The following DZIP3 variants were observed in gnomAD, a reference collection of about 807,000 sequenced individuals.
DZIP3 encodes the protein E3 ubiquitin-protein ligase DZIP3.
A neutral mutation model predicts 162.0 loss-of-function variants in DZIP3; 118 were observed. That is an observed-to-expected ratio of 0.73 (90% CI 0.63 to 0.85). DZIP3 has a LOEUF of 0.85. Among genes scored for constraint, DZIP3 ranks in the 40% least tolerant of loss-of-function variants. DZIP3 has a pLI of 0.00. For missense variants in DZIP3, 1,331 were observed against 1,407.0 expected (o/e 0.95, Z 0.86); for synonymous variants, 438 against 458.6 (o/e 0.96, Z 0.57).
At chr3:108,622,233 GGGTA>G (rs1250351353) in intron 5 of DZIP3, among the ~76,000 whole-genome samples, 1 of 152,162 alleles carries the variant, frequency 6.6e-6, no homozygotes, top group African/African-American at 2.4e-5. Flanking sequence ...AGGCTGGGAA[GGGTA>G]GGTGGGGGTT....
At chr3:108,679,294 A>G (rs763856632) in intron 26 of DZIP3, among the ~76,000 whole-genome samples, 1 of 152,076 alleles carries the variant, frequency 6.6e-6, no homozygotes, top group Non-Finnish European at 1.5e-5. Context: ...TACAAGTGAT[A>G]TTCTTTAGCT....
At chr3:108,639,288 C>T (rs1942287198) in intron 12 of DZIP3, among the ~76,000 whole-genome samples, 2 of 152,202 alleles carry the variant, frequency 1.3e-5, no homozygotes, top group Non-Finnish European at 1.5e-5. Flanking sequence ...ATATCTGGCA[C>T]ATAGCTAGGC....
intron 25 of DZIP3, among the ~76,000 whole-genome samples, chr3:108,676,275 T>C (rs1399682192): frequency 1.3e-5 from 2 of 152,096 alleles, no homozygotes; most frequent in Non-Finnish European, 2.9e-5. Context: ...ATCATGCCAC[T>C]GTACTACAGC....
chr3:108,660,298 C>T (rs993552505), intron 19 of DZIP3, among the ~76,000 whole-genome samples: 2 of 152,120 alleles, frequency 1.3e-5, no homozygotes, highest in African/African-American at 4.8e-5. Flanking sequence ...GAGATATAGA[C>T]CAATGGAACA....
At chr3:108,617,272 C>CA (rs1382390308) in intron 5 of DZIP3, among the ~76,000 whole-genome samples, 2 of 151,924 alleles carry the variant, frequency 1.3e-5, no homozygotes, top group Non-Finnish European at 2.9e-5. Context: ...ATTTTCACCA[C>CA]AAAAATGATA....
At chr3:108,655,654 G>C (rs1419287287) in intron 19 of DZIP3, among the ~76,000 whole-genome samples, 1 of 152,114 alleles carries the variant, frequency 6.6e-6, no homozygotes, top group Admixed American at 6.5e-5. Flanking sequence ...GTGGGTTCAG[G>C]ACAGTGGGTG....
intron 13 of DZIP3, 95 bp from the exon 14 acceptor site, chr3:108,644,069 T>A (rs1942513625): frequency 7.0e-7 from 1 of 1,426,610 alleles, no homozygotes; most frequent in African/African-American, 1.4e-5. Context: ...TTGGAATAGT[T>A]TTTATCCTAC....
At chr3:108,622,018 T>C (rs1186145218) in intron 5 of DZIP3, among the ~76,000 whole-genome samples, 1 of 151,142 alleles carries the variant, frequency 6.6e-6, no homozygotes, top group Non-Finnish European at 1.5e-5. Flanking sequence ...GGTAATAGTG[T>C]GAGACCCCAT....
intron 26 of DZIP3, among the ~76,000 whole-genome samples, chr3:108,679,931 T>G (rs1414122278): frequency 6.6e-6 from 1 of 152,100 alleles, no homozygotes; most frequent in African/African-American, 2.4e-5. Context: ...GTAGCTTGGC[T>G]ATTTAATCCT....
chr3:108,677,450 T>A (rs1164399410), intron 25 of DZIP3, 47 bp from the exon 26 acceptor site: 2 of 1,521,136 alleles, frequency 1.3e-6, no homozygotes, highest in Non-Finnish European at 1.8e-6. Flanking sequence ...ATGCTGTCTC[T>A]TTAAAGTTGG....
In DZIP3 at chr3:108,616,410, T is replaced by TC. The variant is rs1941016672; in HGVS notation, c.259-131_259-130insC. On this transcript the variant is annotated intron_variant, in intron 4 of 32. Coordinates refer to ENST00000361582, the MANE Select transcript of DZIP3 (RefSeq NM_014648.4). ...CAGTGTATCTGGTTGGTATGGATTT[T>TC]TTTTTTTTAAACCGTCTTTATCTCT... 5.4e-6 allele frequency: 3 copies of TC among 559,694 alleles called. No individual in the cohort carries two copies. The Admixed American group carries it at 1.0e-4, about 19-fold the overall frequency. The allele number at this position is 559,694 out of a possible 1,614,324, so 34.7% of individuals were successfully genotyped here. A position where few individuals can be genotyped will look rare whatever the true frequency, so the allele number is the denominator to read the frequency against.
rs1414198936 is a variant in DZIP3 at position 108,605,370 on chromosome 3, A to G, written c.-37A>G. On this transcript the variant is annotated 5_prime_UTR_variant, in exon 2 of 33. Coordinates refer to ENST00000361582, the MANE Select transcript of DZIP3 (RefSeq NM_014648.4). ...CAGTATTTAAAGTCAGTTGGCAAGC[A>G]GTGGAATAAGATTTTTGTAAAGAAA... The G allele has an allele frequency of 1.2e-6, 2 of 1,613,040 alleles. No homozygotes were observed. Among genetic ancestry groups the G allele is most frequent in the South Asian group, 1.1e-5 (1 of 90,946 alleles).
chr3:108,679,702 T>C (rs1276128990), intron 26 of DZIP3, among the ~76,000 whole-genome samples: 1 of 152,120 alleles, frequency 6.6e-6, no homozygotes, highest in East Asian at 1.9e-4. Flanking sequence ...AGAGCTATGT[T>C]GATCTTGGGA....
At position 108,618,245 on chromosome 3, in the gene DZIP3, A is replaced by G. The variant is rs1374160188; in HGVS notation, c.375+1588A>G. Among the ~76,000 whole-genome samples, 3 of 152,030 alleles carry G rather than the reference A, an allele frequency of 2.0e-5. No individual in the cohort carries two copies. The East Asian group carries it at 5.8e-4, about 29-fold the overall frequency. ...TAAATTCCAGAGTTTTTCCTCCTCT[A>G]ATTATAGCATTACCACAATTCTGCA... On this transcript the variant is annotated intron_variant, in intron 5 of 32. Transcript: ENST00000361582.
At chr3:108,688,178 C>G in intron 29 of DZIP3, 82 bp downstream of exon 29, 2 of 1,498,074 alleles carry the variant, frequency 1.3e-6, no homozygotes, top group South Asian at 1.2e-5. Context: ...TCTCCATAAC[C>G]TGTTCAGAAA....
chr3:108,654,028 C>A, intron 18 of DZIP3, 117 bp from the exon 19 acceptor site: 1 of 1,065,244 alleles, frequency 9.4e-7, no homozygotes, highest in Non-Finnish European at 1.3e-6. Flanking sequence ...TGATCATGAA[C>A]CCTTCTAATG....
At chr3:108,648,271 G>T (rs945395363) in intron 16 of DZIP3, 159 bp downstream of exon 16, 2 of 591,070 alleles carry the variant, frequency 3.4e-6, no homozygotes, top group South Asian at 4.2e-5. Context: ...CCTTGCCTCA[G>T]TACTTCCTTC....
chr3:108,669,823 A>G (rs1559774003), intron 22 of DZIP3, 74 bp downstream of exon 22: 1 of 1,203,084 alleles, frequency 8.3e-7, no homozygotes, highest in East Asian at 2.4e-5. Context: ...TGGCTGGCAT[A>G]TTGATGTAAT....
At chr3:108,686,347 T>G (rs952475329) in intron 27 of DZIP3, 98 bp from the exon 28 acceptor site, 9 of 1,168,802 alleles carry the variant, frequency 7.7e-6, no homozygotes, top group Non-Finnish European at 9.3e-6. Context: ...TGAATGTGTA[T>G]GCCAGTACGC....
Sources: gnomAD v4.1 joint callset for allele counts (sites outside exome capture counted in the v4.1 genomes callset) on GRCh38, gnomAD v4.1.1 for gene constraint, MANE v1.5 for transcripts, NCBI Gene and HGNC (gene_info 2026-07-23, HGNC 2026-07-21) for gene names.